Variants in KDM4C observed in about 807,000 individuals in gnomAD.
KDM4C encodes the protein lysine demethylase 4C.
KDM4C carries 81 observed loss-of-function variants against 129.3 expected under a neutral mutation model. That is an observed-to-expected ratio of 0.63 (90% CI 0.52 to 0.75). The LOEUF is 0.75. Among genes scored for constraint, KDM4C ranks in the 30% least tolerant of loss-of-function variants. The pLI, the probability that KDM4C is intolerant of heterozygous loss-of-function variation, is 0.00. For missense variants in KDM4C, 1,457 were observed against 1,304.0 expected (o/e 1.12, Z -1.81); for synonymous variants, 573 against 456.1 (o/e 1.26, Z -3.26).
At chr9:6,742,930 G>C (rs773796069) in intron 1 of KDM4C, among the ~76,000 whole-genome samples, 4 of 152,106 alleles carry the variant, frequency 2.6e-5, no homozygotes, top group Admixed American at 6.6e-5. Context: ...AAAATCGCTT[G>C]AACCCGGGAG....
In KDM4C at chr9:7,071,602, T is replaced by G. The variant is rs575585535; in HGVS notation, c.2424+22402T>G. Among the ~76,000 whole-genome samples, 9 of 152,268 alleles carry G rather than the reference T, an allele frequency of 5.9e-5. No homozygotes were observed. In the East Asian group the frequency reaches 1.3e-3, roughly 23 times the overall value. ...AAATTGAATCTTGATCCATACTCATTTTATGTACAAAAATGAACTGAAATT... is the reference window on the plus strand; with the variant it reads ...AAATTGAATCTTGATCCATACTCATGTTATGTACAAAAATGAACTGAAATT... On this transcript the variant is annotated intron_variant, in intron 17 of 21. Transcript: ENST00000381309.
intron 1 of KDM4C, among the ~76,000 whole-genome samples, chr9:6,761,543 C>T (rs1819500430): frequency 6.6e-6 from 1 of 151,984 alleles, no homozygotes; most frequent in Admixed American, 6.6e-5. Context: ...TGGTCTGAAA[C>T]TCCCGGGCTC....
intron 1 of KDM4C, among the ~76,000 whole-genome samples, chr9:6,788,258 C>T (rs1825870115): frequency 6.6e-6 from 1 of 152,122 alleles, no homozygotes; most frequent in Non-Finnish European, 1.5e-5. Context: ...ACTTTGTTCC[C>T]TGGTGAATGA....
intron 21 of KDM4C, 54 bp from the exon 22 acceptor site, chr9:7,174,499 G>A: frequency 6.5e-7 from 1 of 1,549,552 alleles, no homozygotes; most frequent in Non-Finnish European, 8.9e-7. Flanking sequence ...TTTGTCCAGT[G>A]TTCTGAAGAT....
chr9:7,023,344 A>C (rs1250699578), intron 15 of KDM4C, among the ~76,000 whole-genome samples: 1 of 151,592 alleles, frequency 6.6e-6, no homozygotes, highest in Non-Finnish European at 1.5e-5. Context: ...TGGGTTTTGG[A>C]TTTCTTTATG....
At chr9:6,907,301 A>G (rs995650653) in intron 8 of KDM4C, among the ~76,000 whole-genome samples, 5 of 152,244 alleles carry the variant, frequency 3.3e-5, no homozygotes, top group African/African-American at 1.2e-4. Flanking sequence ...CTATGGCCAG[A>G]GGAATGAACT....
At position 6,887,338 on chromosome 9, in the gene KDM4C, A is replaced by G. The variant is rs771184688; in HGVS notation, c.680-622A>G. ...TACTGTTGAATGAAAGGGTTGTTGT[A>G]TGTTTAACTTCCTCATTTAAAAGCC... On this transcript the variant is annotated intron_variant, in intron 6 of 21. Transcript: ENST00000381309. Among the ~76,000 whole-genome samples the G allele has an allele frequency of 3.9e-5, 6 of 152,220 alleles. No individual in the cohort carries two copies. In the South Asian group the frequency reaches 1.0e-3, roughly 26 times the overall value.
chr9:6,969,191 C>T lies in KDM4C; in HGVS notation c.922-11734C>T, dbSNP rs112492799. Among the ~76,000 whole-genome samples the T allele has an allele frequency of 3.3e-3, 502 of 152,340 alleles. 2 individuals carry two copies. The highest frequency in any genetic ancestry group is 0.011 in the African/African-American group (468 of 41,570). ...CCTCAAGTGATCTGCCTGCGTCTGC[C>T]TCCCAAAGTGCTGGGATTATAGGCT... On this transcript the variant is annotated intron_variant, in intron 8 of 21. Transcript: ENST00000381309.
chr9:6,850,265 C>T (rs1288501845), intron 5 of KDM4C, among the ~76,000 whole-genome samples: 1 of 152,060 alleles, frequency 6.6e-6, no homozygotes, highest in East Asian at 1.9e-4. Flanking sequence ...TGCCTGTAGT[C>T]CATTTTGTGA....
chr9:6,836,909 A>G (rs1378361642), intron 4 of KDM4C, among the ~76,000 whole-genome samples: 2 of 152,206 alleles, frequency 1.3e-5, no homozygotes, highest in African/African-American at 2.4e-5. Flanking sequence ...CACATCCCAT[A>G]CATGGTACCT....
At position 6,839,573 on chromosome 9, in the gene KDM4C, GT is replaced by G. The variant is rs1246736856; in HGVS notation, c.436-9928del. The stretch of plus-strand genomic sequence containing the variant: ...CTTTTTAAAATTCTTAAAAATGAGT[GT>G]TTTTTACTTAAAATTTTAAAGTGTT... On this transcript the variant is annotated intron_variant, in intron 4 of 21. Coordinates refer to ENST00000381309, the MANE Select transcript of KDM4C (RefSeq NM_015061.6). Among the ~76,000 whole-genome samples, 5 of 151,922 alleles carry G rather than the reference GT, an allele frequency of 3.3e-5. No individual in the cohort carries two copies. The East Asian group carries it at 7.8e-4, about 24-fold the overall frequency.
intron 15 of KDM4C, among the ~76,000 whole-genome samples, chr9:7,032,776 G>A (rs1407862): frequency 0.47 from 71,602 of 151,990 alleles, 17,036 homozygotes; most frequent in South Asian, 0.6. Flanking sequence ...AGAAGGCCAA[G>A]CCACTGACCT....
At chr9:7,000,813 GT>G (rs1405907738) in intron 12 of KDM4C, among the ~76,000 whole-genome samples, 3 of 152,094 alleles carry the variant, frequency 2.0e-5, no homozygotes, top group Non-Finnish European at 4.4e-5. Flanking sequence ...GGTACACTTT[GT>G]TTTCATTGTT....
intron 12 of KDM4C, among the ~76,000 whole-genome samples, chr9:6,990,768 T>A (rs1288197357): frequency 6.6e-6 from 1 of 152,150 alleles, no homozygotes; most frequent in African/African-American, 2.4e-5. Context: ...TGGGGTAAAA[T>A]CAGTCAGCCT....
At chr9:6,849,799 G>C (rs1048263830) in intron 5 of KDM4C, 99 bp downstream of exon 5, 2 of 943,574 alleles carry the variant, frequency 2.1e-6, no homozygotes, top group African/African-American at 3.3e-5. Flanking sequence ...GGTGGATTCA[G>C]ATTTATGTGA....
At chr9:6,914,703 G>T (rs1481471288) in intron 8 of KDM4C, among the ~76,000 whole-genome samples, 1 of 152,156 alleles carries the variant, frequency 6.6e-6, no homozygotes, top group Non-Finnish European at 1.5e-5. Context: ...CCCATGAATG[G>T]GATTTGTGTT....
intron 18 of KDM4C, among the ~76,000 whole-genome samples, chr9:7,117,803 C>A (rs1430236708): frequency 6.6e-6 from 1 of 152,150 alleles, no homozygotes; most frequent in East Asian, 1.9e-4. Context: ...TGGGAACTCA[C>A]TGATTCTCTA....
chr9:6,796,035 TGA>T (rs1171941331), intron 2 of KDM4C, among the ~76,000 whole-genome samples: 1 of 151,908 alleles, frequency 6.6e-6, no homozygotes, highest in Non-Finnish European at 1.5e-5. Context: ...TAGGGGTGGG[TGA>T]GAGAGAGAGG....
At chr9:7,105,651 C>G (rs1407863) in intron 18 of KDM4C, among the ~76,000 whole-genome samples, 48,695 of 152,030 alleles carry the variant, frequency 0.32, 8,164 homozygotes, top group Middle Eastern at 0.51. Flanking sequence ...ATTCCAAACC[C>G]CAAACCTCAA....
Sources: allele counts gnomAD v4.1 joint callset (sites outside exome capture counted in the v4.1 genomes callset), GRCh38; gene constraint gnomAD v4.1.1; transcripts MANE v1.5; gene names NCBI Gene and HGNC (gene_info 2026-07-23, HGNC 2026-07-21).